Variants in TRERF1 observed in about 807,000 individuals in gnomAD.
TRERF1 encodes the protein transcriptional-regulating factor 1.
Under a neutral mutation model 122.9 loss-of-function variants are expected in TRERF1, and 27 were observed. That is an observed-to-expected ratio of 0.22 (90% CI 0.16 to 0.30). The LOEUF is 0.30. Among genes scored for constraint, TRERF1 ranks in the 10% least tolerant of loss-of-function variants. The probability of loss-of-function intolerance (pLI) is 1.00; values close to 1 mark genes in which losing one functional copy is unlikely to be tolerated. For synonymous variants in TRERF1, 636 were observed against 641.7 expected, an observed-to-expected ratio of 0.99 and a Z score of 0.13; for missense variants, 1,248 against 1,560.3, an observed-to-expected ratio of 0.80 and a Z score of 3.37.
chr6:42,447,280 G>A (rs1787683642), intron 2 of TRERF1, among the ~76,000 whole-genome samples: 1 of 152,156 alleles, frequency 6.6e-6, no homozygotes, highest in Admixed American at 6.5e-5. Context: ...AAATATCACA[G>A]AGGCTTTTTG....
exon 18 of TRERF1, chr6:42,226,647 A>T (rs1769570680): frequency 6.6e-6 from 1 of 152,242 alleles, no homozygotes; most frequent in Admixed American, 6.5e-5. Flanking sequence ...GCTTTCCTGA[A>T]GTTCAGAGAC....
At chr6:42,447,604 T>C (rs1582301221) in intron 2 of TRERF1, among the ~76,000 whole-genome samples, 1 of 152,214 alleles carries the variant, frequency 6.6e-6, no homozygotes, top group Admixed American at 6.5e-5. Context: ...GGAAATAAAA[T>C]GAGCTGAATT....
intron 2 of TRERF1, among the ~76,000 whole-genome samples, chr6:42,433,103 AG>A (rs1784733026): frequency 6.6e-6 from 1 of 152,140 alleles, no homozygotes; most frequent in Non-Finnish European, 1.5e-5. Flanking sequence ...CCTAGAGGAA[AG>A]GGAGGTGCAG....
rs908676017 is a variant in TRERF1, at chr6:42,383,214, G to A, written c.-453-20135C>T. Among the ~76,000 whole-genome samples, 8 of 152,082 alleles carry A rather than the reference G, an allele frequency of 5.3e-5. No individual in the cohort carries two copies. The East Asian group carries it at 5.8e-4, about 11-fold the overall frequency. On this transcript the variant is annotated intron_variant, in intron 2 of 17. Transcript: ENST00000372922. ...CCACTGCACTCCAGCCTGGGTGACC[G>A]AGTGAGACCTTGTCTTGAAAAACAA...
chr6:42,420,807 G>T (rs933657722), intron 2 of TRERF1, among the ~76,000 whole-genome samples: 6 of 152,168 alleles, frequency 3.9e-5, no homozygotes, highest in African/African-American at 4.8e-5. Flanking sequence ...TAAGTCATGG[G>T]GGGATTACTA....
intron 16 of TRERF1, among the ~76,000 whole-genome samples, chr6:42,234,149 T>C (rs532070277): frequency 6.6e-6 from 1 of 152,234 alleles, no homozygotes; most frequent in South Asian, 2.1e-4. Context: ...TGCCAAATGT[T>C]CTTGGGGAAT....
At chr6:42,423,521 C>G (rs906787615) in intron 2 of TRERF1, among the ~76,000 whole-genome samples, 4 of 152,106 alleles carry the variant, frequency 2.6e-5, no homozygotes, top group Non-Finnish European at 4.4e-5. Flanking sequence ...GCAAACGCAG[C>G]CTTTCAGAGC....
chr6:42,362,449 A>G (rs1044711431), intron 3 of TRERF1, among the ~76,000 whole-genome samples: 1 of 152,262 alleles, frequency 6.6e-6, no homozygotes, highest in Non-Finnish European at 1.5e-5. Flanking sequence ...AATTCTATTT[A>G]TGCACAAACT....
In TRERF1 at chr6:42,387,833, G is replaced by T. The variant is rs182590884; in HGVS notation, c.-453-24754C>A. Among the ~76,000 whole-genome samples, 288 of 129,344 alleles carry T rather than the reference G, an allele frequency of 2.2e-3. 1 individual carries two copies. Among genetic ancestry groups the T allele is most frequent in the Non-Finnish European group, 8.2e-4 (51 of 61,846 alleles). 84.9% of individuals were successfully genotyped at this position (129,344 alleles called of 152,430 possible). On this transcript the variant is annotated intron_variant, in intron 2 of 17. Coordinates refer to ENST00000372922, the Ensembl canonical transcript of TRERF1. ...TATTTTATTTTATTTTTTGAGACAG[G>T]GTCTGGCTCTGTCGTATAGGCAAGA...
chr6:42,344,945 A>G lies in TRERF1; in HGVS notation c.-371+18052T>C, dbSNP rs143994618. 1.5e-3 allele frequency among the ~76,000 whole-genome samples: 225 copies of G among 152,300 alleles called. 1 individual carries two copies. Among genetic ancestry groups the G allele is most frequent in the East Asian group, 0.012 (64 of 5,188 alleles). Reference sequence around the variant, plus strand: ...AATCTTCTCTGTTTTGTTCATTGCTATATCTTCAGCACCCAGGACAGTGCT... The same window carrying G: ...AATCTTCTCTGTTTTGTTCATTGCTGTATCTTCAGCACCCAGGACAGTGCT... On this transcript the variant is annotated intron_variant, in intron 3 of 17. Coordinates refer to ENST00000372922, the Ensembl canonical transcript of TRERF1.
intron 2 of TRERF1, among the ~76,000 whole-genome samples, chr6:42,388,573 T>C (rs1283825505): frequency 2.6e-5 from 4 of 152,034 alleles, no homozygotes; most frequent in Non-Finnish European, 5.9e-5. Flanking sequence ...AAATGCCAGT[T>C]ACCACCACCT....
intron 3 of TRERF1, among the ~76,000 whole-genome samples, chr6:42,316,310 A>C (rs971486000): frequency 6.6e-5 from 10 of 152,150 alleles, no homozygotes; most frequent in African/African-American, 2.4e-4. Flanking sequence ...TCTCATTACT[A>C]AGAAATGAGA....
In TRERF1 at chr6:42,438,071, G is replaced by A. The variant is rs543179455; in HGVS notation, c.-454+13106C>T. On this transcript the variant is annotated intron_variant, in intron 2 of 17. Coordinates refer to ENST00000372922, the Ensembl canonical transcript of TRERF1. Reference sequence around the variant, plus strand: ...CGAGCAGCTGGGATTACAGGTGCCCGCCACCATACCTGGCTAATTTTTGTA... The same window carrying A: ...CGAGCAGCTGGGATTACAGGTGCCCACCACCATACCTGGCTAATTTTTGTA... Among the ~76,000 whole-genome samples, 11 of 151,804 alleles carry A rather than the reference G, an allele frequency of 7.2e-5. No homozygotes were observed. The East Asian group carries it at 1.6e-3, about 22-fold the overall frequency.
chr6:42,417,284 G>C (rs936254869), intron 2 of TRERF1, among the ~76,000 whole-genome samples: 5 of 151,518 alleles, frequency 3.3e-5, no homozygotes, highest in Non-Finnish European at 7.4e-5. Context: ...TTCTAATTTT[G>C]TCTGGGCTTC....
intron 4 of TRERF1, among the ~76,000 whole-genome samples, chr6:42,294,720 T>A (rs985618209): frequency 1.3e-4 from 19 of 151,992 alleles, no homozygotes; most frequent in African/African-American, 4.6e-4. Context: ...CACCCCAAAC[T>A]CCTCAGATAA....
At chr6:42,423,156 C>T (rs1783053456) in intron 2 of TRERF1, among the ~76,000 whole-genome samples, 1 of 152,150 alleles carries the variant, frequency 6.6e-6, no homozygotes, top group Admixed American at 6.5e-5. Context: ...TCTTTTTGAA[C>T]CTTCATGCAG....
chr6:42,306,529 C>T (rs112677938), intron 3 of TRERF1, among the ~76,000 whole-genome samples: 1,605 of 152,354 alleles, frequency 0.011, 24 homozygotes, highest in African/African-American at 0.037. Context: ...GGACTCACCA[C>T]AGGCTAACAT....
chr6:42,377,992 A>AT (rs1775210793), intron 2 of TRERF1, among the ~76,000 whole-genome samples: 1 of 152,120 alleles, frequency 6.6e-6, no homozygotes, highest in Non-Finnish European at 1.5e-5. Flanking sequence ...TCACATTTTC[A>AT]TTTGCACTGA....
intron 2 of TRERF1, among the ~76,000 whole-genome samples, chr6:42,370,383 G>A (rs888203909): frequency 6.6e-6 from 1 of 152,056 alleles, no homozygotes; most frequent in Non-Finnish European, 1.5e-5. Context: ...TGTTATCTTT[G>A]TTATGTTTTG....
Sources: allele counts gnomAD v4.1 joint callset (sites outside exome capture counted in the v4.1 genomes callset), GRCh38; gene constraint gnomAD v4.1.1; transcripts MANE v1.5; gene names NCBI Gene and HGNC (gene_info 2026-07-23, HGNC 2026-07-21).